SLC39A10: variants seen among roughly 807,000 people sequenced by gnomAD.
The protein encoded by SLC39A10 is zinc transporter ZIP10.
A neutral mutation model predicts 65.1 loss-of-function variants in SLC39A10; 13 were observed. The ratio of observed to expected loss-of-function variants is 0.20; its 90% CI spans 0.13 to 0.32. The LOEUF (loss-of-function observed/expected upper bound fraction) is 0.32. Ranked by LOEUF, SLC39A10 falls within the 10% of genes least tolerant of loss-of-function variation. SLC39A10 has a pLI of 1.00. For synonymous variants in SLC39A10, 321 were observed against 342.2 expected, an observed-to-expected ratio of 0.94 and a Z score of 0.68; for missense variants, 831 against 1,018.4, an observed-to-expected ratio of 0.82 and a Z score of 2.50.
Position 195,708,718 on chromosome 2 carries a change from T to C in SLC39A10, c.1449T>C (p.His483=), listed in dbSNP as rs759050604. 8.7e-6 allele frequency: 14 copies of C among 1,613,088 alleles called. No individual in the cohort carries two copies. In the South Asian group the frequency reaches 1.3e-4, roughly 15 times the overall value. ...HAHGHGHSHG[H]ESNKFLEEYD... Reference sequence around the variant, plus strand: ...ATGGGCATGGACATTCTCATGGACATGAATCTAACAAGTTTTTGGAAGAAT... The same window carrying C: ...ATGGGCATGGACATTCTCATGGACACGAATCTAACAAGTTTTTGGAAGAAT... The change falls in exon 5 of 10, where the codon CAT becomes CAC. Residue 483 remains histidine, a synonymous_variant. Transcript: ENST00000359634.
In SLC39A10 at chr2:195,720,861, T is replaced by C. The variant is rs148208299; in HGVS notation, c.2146+2529T>C. Among the ~76,000 whole-genome samples the C allele has an allele frequency of 3.2e-3, 485 of 152,358 alleles. 3 individuals carry two copies. The highest frequency in any genetic ancestry group is 5.8e-3 in the Non-Finnish European group (397 of 68,038). On this transcript the variant is annotated intron_variant, in intron 8 of 9. Coordinates refer to ENST00000359634, the MANE Select transcript of SLC39A10 (RefSeq NM_020342.3). ...TCTGTTGTAGTATATCATTGCCAGA[T>C]ATATCTGCTTAAATGTGATGTTCTT...
rs1289288780 is a variant in SLC39A10, at chr2:195,735,875, C to A, written c.*834C>A. ...ATGTGGTCTTTTTAAAAAATTGTAA[C>A]CCTCTAGAAAATATCAAAGAAATGA... is the stretch of plus-strand genomic sequence containing the variant. On this transcript the variant is annotated 3_prime_UTR_variant, in exon 10 of 10. Transcript: ENST00000359634. 7.0e-5 allele frequency: 10 copies of A among 142,320 alleles called. No individual in the cohort carries two copies. The highest frequency in any genetic ancestry group is 2.4e-4 in the African/African-American group (9 of 37,494). 8.8% of individuals were successfully genotyped at this position (142,320 alleles called of 1,614,324 possible). A position where few individuals can be genotyped will look rare whatever the true frequency, so the allele number is the denominator to read the frequency against.
In SLC39A10 at chr2:195,728,136, T is replaced by C. The variant is rs766046885; in HGVS notation, c.2147-23T>C. The C allele has an allele frequency of 6.3e-7, 1 of 1,594,078 alleles. No individual in the cohort carries two copies. The highest frequency in any genetic ancestry group is 1.1e-5 in the South Asian group (1 of 88,848). ...TTTTAAATCCTGTGGTTTTAAAACA[T>C]TCCCATTGTTTCTTAATTGCAGGAG... is the stretch of plus-strand genomic sequence containing the variant. On this transcript the variant is annotated intron_variant, in intron 8 of 9. Transcript: ENST00000359634. This position sits in a 1 kb window ranked among gnomAD's most constrained non-coding sequence, Gnocchi z 4.4.
chr2:195,638,500 C>T (rs1688737029), intron 2 of SLC39A10, among the ~76,000 whole-genome samples: 2 of 151,712 alleles, frequency 1.3e-5, no homozygotes, highest in South Asian at 2.1e-4. Flanking sequence ...CCACCACACT[C>T]GGCTAATTTT....
intron 3 of SLC39A10, among the ~76,000 whole-genome samples, chr2:195,701,403 T>G: frequency 6.9e-6 from 1 of 144,346 alleles, no homozygotes; most frequent in African/African-American, 2.5e-5. Flanking sequence ...AGATCTGCCA[T>G]TAGGTCTTTT....
At chr2:195,620,600 C>T (rs1025383884) in intron 2 of SLC39A10, among the ~76,000 whole-genome samples, 7 of 152,128 alleles carry the variant, frequency 4.6e-5, no homozygotes, top group African/African-American at 1.7e-4. Context: ...AGCAAGCACT[C>T]TGTAGTTAAG....
At chr2:195,687,470 T>C (rs1690572207) in intron 3 of SLC39A10, among the ~76,000 whole-genome samples, 2 of 152,218 alleles carry the variant, frequency 1.3e-5, no homozygotes, top group South Asian at 2.1e-4. Context: ...ACTATAGCAA[T>C]ACTGAAAGTT....
rs781670185 is a variant in SLC39A10 at position 195,680,860 on chromosome 2, A to G, written c.818A>G (p.His273Arg). ...HNRVHKPDRV[H>R]NPGHSHVHLP... Reference sequence around the variant, plus strand: ...CGGGTCCACAAACCTGATCGTGTACATAACCCAGGTCATTCTCATGTACAT... The same window carrying G: ...CGGGTCCACAAACCTGATCGTGTACGTAACCCAGGTCATTCTCATGTACAT... Residue 273 changes from histidine to arginine, a missense_variant, in exon 2 of 10, where the codon CAT (histidine) becomes CGT (arginine). By Grantham distance (29) the His-to-Arg change is conservative. Around this residue, in one of 4 missense-constraint regions of SLC39A10, gnomAD observed 446 missense variants for 499.2 expected, o/e 0.89. Coordinates refer to ENST00000359634, the MANE Select transcript of SLC39A10 (RefSeq NM_020342.3). The G allele has an allele frequency of 3.1e-6, 5 of 1,614,202 alleles. No individual in the cohort carries two copies. The highest frequency in any genetic ancestry group is 1.7e-5 in the Admixed American group (1 of 60,026).
chr2:195,662,538 T>A (rs1057011238), intron 1 of SLC39A10, among the ~76,000 whole-genome samples: 2 of 152,178 alleles, frequency 1.3e-5, no homozygotes, highest in African/African-American at 2.4e-5. Flanking sequence ...CCTCTTGAAG[T>A]GCTGGGATTA....
intron 9 of SLC39A10, among the ~76,000 whole-genome samples, chr2:195,733,372 G>A (rs1210842162): frequency 2.0e-5 from 3 of 152,100 alleles, no homozygotes; most frequent in East Asian, 1.9e-4. Context: ...AGGTTTGGGT[G>A]GAAAGAATGT....
At chr2:195,644,203 A>G (rs1688864433) in intron 2 of SLC39A10, among the ~76,000 whole-genome samples, 1 of 150,490 alleles carries the variant, frequency 6.6e-6, no homozygotes, top group Non-Finnish European at 1.5e-5. Flanking sequence ...AATGGAGCCA[A>G]TTAATTTGAA....
intron 8 of SLC39A10, among the ~76,000 whole-genome samples, chr2:195,721,303 G>A (rs1692029899): frequency 6.6e-6 from 1 of 152,102 alleles, no homozygotes; most frequent in Non-Finnish European, 1.5e-5. Context: ...GTTACCTGCA[G>A]TACATCCTGT....
At chr2:195,648,170 A>C (rs991147476) in intron 2 of SLC39A10, among the ~76,000 whole-genome samples, 6 of 151,912 alleles carry the variant, frequency 3.9e-5, no homozygotes, top group Non-Finnish European at 5.9e-5. Context: ...TTTTTAAAAC[A>C]ATTTTTTTGT....
Position 195,736,664 on chromosome 2 carries a change from CTTAGGTG to C in SLC39A10, c.*1627_*1633del, listed in dbSNP as rs906964397. 2.0e-5 allele frequency: 3 copies of C among 151,776 alleles called. No individual in the cohort carries two copies. Among genetic ancestry groups the C allele is most frequent in the African/African-American group, 7.3e-5 (3 of 41,374 alleles). The allele number at this position is 151,776 out of a possible 1,614,324, so 9.4% of individuals were successfully genotyped here. A position where few individuals can be genotyped will look rare whatever the true frequency, so the allele number is the denominator to read the frequency against. On this transcript the variant is annotated 3_prime_UTR_variant, in exon 10 of 10. Coordinates refer to ENST00000359634, the MANE Select transcript of SLC39A10 (RefSeq NM_020342.3). ...TTTCTGTATGCTATAAGCAAGGGAG[CTTAGGTG>C]TTATTTCTTTAATTTATGCTTGAAT...
At chr2:195,626,624 T>C (rs1267244819) in intron 2 of SLC39A10, among the ~76,000 whole-genome samples, 6 of 152,294 alleles carry the variant, frequency 3.9e-5, no homozygotes, top group South Asian at 4.1e-4. Context: ...TACATAATTA[T>C]GTAGAAATGA....
intron 9 of SLC39A10, among the ~76,000 whole-genome samples, chr2:195,730,385 A>G (rs1212257621): frequency 6.6e-6 from 1 of 152,144 alleles, no homozygotes; most frequent in African/African-American, 2.4e-5. Flanking sequence ...GCTGGAGTAT[A>G]GTGGCATGAT....
chr2:195,700,372 T>G (rs1199427258), intron 3 of SLC39A10, among the ~76,000 whole-genome samples: 2 of 152,220 alleles, frequency 1.3e-5, no homozygotes, highest in Non-Finnish European at 2.9e-5. Context: ...CCTTTTTCAT[T>G]TCCTTTTGTG....
intron 1 of SLC39A10, chr2:195,670,530 A>G (rs942830926): frequency 6.6e-6 from 1 of 152,184 alleles, no homozygotes; most frequent in Admixed American, 6.5e-5. Context: ...AAGTATAACC[A>G]TGTATTTTGT....
chr2:195,657,471 A>G, intron 1 of SLC39A10, 190 bp downstream of exon 1: 1 of 985,836 alleles, frequency 1.0e-6, no homozygotes. Context: ...GGCCAGCCGA[A>G]GCAGAGCGCG....
Sources: allele counts gnomAD v4.1 joint callset (sites outside exome capture counted in the v4.1 genomes callset), GRCh38; gene constraint gnomAD v4.1.1; regional missense constraint gnomAD v4.1.1; non-coding constraint Gnocchi (gnomAD v3.1); transcripts MANE v1.5; gene names NCBI Gene and HGNC (gene_info 2026-07-23, HGNC 2026-07-21).